Variants in NUP62 observed in about 807,000 individuals in gnomAD.
NUP62 encodes nuclear pore glycoprotein p62.
For synonymous variants in NUP62, 305 were observed against 303.4 expected (o/e 1.01, Z -0.05); for missense variants, 647 against 689.4 (o/e 0.94, Z 0.69).
At position 49,907,222 on chromosome 19, in the gene NUP62, G is replaced by A; in HGVS notation, c.*1017C>T. 1 of 243,770 alleles carries A rather than the reference G, an allele frequency of 4.1e-6. No homozygotes were observed. The highest frequency in any genetic ancestry group is 3.9e-5 in the South Asian group (1 of 25,564). 15.1% of individuals were successfully genotyped at this position (243,770 alleles called of 1,614,324 possible). On this transcript the variant is annotated 3_prime_UTR_variant, in exon 3 of 3. Coordinates refer to ENST00000352066, the MANE Select transcript of NUP62 (RefSeq NM_016553.5). ...GATAGCATAACAAGTGCCACCCAAGGTACAGGCTCAGGGTGCTACGGGGAC... is the reference window on the plus strand; with the variant it reads ...GATAGCATAACAAGTGCCACCCAAGATACAGGCTCAGGGTGCTACGGGGAC...
At chr19:49,925,520 C>A (rs527738541) in intron 2 of NUP62, among the ~76,000 whole-genome samples, 1 of 151,500 alleles carries the variant, frequency 6.6e-6, no homozygotes, top group African/African-American at 2.4e-5. Flanking sequence ...TGAGACAAAA[C>A]CAAATGGAAG....
intron 2 of NUP62, among the ~76,000 whole-genome samples, chr19:49,917,979 C>T (rs1323147361): frequency 1.3e-5 from 2 of 152,134 alleles, no homozygotes; most frequent in Non-Finnish European, 2.9e-5. Context: ...GCACTCCAGC[C>T]TGGGTGACAG....
Position 49,908,390 on chromosome 19 carries a change from T to A in NUP62, c.1418A>T (p.Gln473Leu), listed in dbSNP as rs1276909669. The A allele has an allele frequency of 5.0e-6, 8 of 1,614,106 alleles. No individual in the cohort carries two copies. Among genetic ancestry groups the A allele is most frequent in the Non-Finnish European group, 5.9e-6 (7 of 1,180,048 alleles). Reference protein sequence around the residue: ...APADTSDPLQQICKILNAHMD... With the variant: ...APADTSDPLQLICKILNAHMD... The stretch of plus-strand genomic sequence containing the variant: ...GTGCGCATTGAGGATCTTGCAGATC[T>A]GCTGCAGTGGGTCACTGGTGTCGGC... Residue 473 changes from glutamine to leucine, a missense_variant, in exon 3 of 3, where the codon CAG (glutamine) becomes CTG (leucine). Transcript: ENST00000352066.
chr19:49,910,749 C>A (rs931017707), intron 2 of NUP62, among the ~76,000 whole-genome samples: 1 of 151,940 alleles, frequency 6.6e-6, no homozygotes, highest in African/African-American at 2.4e-5. Flanking sequence ...TAAAGAGCAC[C>A]CCAGAAGACC....
At chr19:49,928,502 G>A (rs1354537403) in intron 1 of NUP62, 1 of 146,302 alleles carries the variant, frequency 6.8e-6, no homozygotes, top group Admixed American at 6.9e-5. Context: ...GGGCGACAGA[G>A]ACGGAGAGAC....
Position 49,908,398 on chromosome 19 carries a change from T to A in NUP62, c.1410A>T (p.Pro470=). Residue 470 remains proline, a synonymous_variant, in exon 3 of 3, where the codon CCA becomes CCT. Coordinates refer to ENST00000352066, the MANE Select transcript of NUP62 (RefSeq NM_016553.5). ...TGAGGATCTTGCAGATCTGCTGCAG[T>A]GGGTCACTGGTGTCGGCGGGGGCCC... ...TSGAPADTSD[P]LQQICKILNA... 1 of 1,614,194 alleles carries A rather than the reference T, an allele frequency of 6.2e-7. No individual in the cohort carries two copies. The highest frequency in any genetic ancestry group is 1.1e-5 in the South Asian group (1 of 91,086).
chr19:49,927,742 C>T lies in NUP62; in HGVS notation c.-126G>A, dbSNP rs1340834408. 1 of 152,322 alleles carries T rather than the reference C, an allele frequency of 6.6e-6. No homozygotes were observed. Among genetic ancestry groups the T allele is most frequent in the East Asian group, 1.9e-4 (1 of 5,188 alleles). 9.4% of individuals were successfully genotyped at this position (152,322 alleles called of 1,614,324 possible). ...CCTTCTCTGGACCTTGATTCAGTCT[C>T]CTAACTGCCACAGAAGGGATGAAGG... On this transcript the variant is annotated 5_prime_UTR_variant, in exon 2 of 3. Transcript: ENST00000352066.
intron 2 of NUP62, among the ~76,000 whole-genome samples, chr19:49,911,574 G>A (rs934807616): frequency 2.0e-5 from 3 of 151,998 alleles, no homozygotes; most frequent in African/African-American, 7.2e-5. Flanking sequence ...GCACCCTTCT[G>A]CTTCCTCACA....
chr19:49,916,280 G>A lies in NUP62; in HGVS notation c.-77-6396C>T, dbSNP rs550062145. ...CTCACATCTGTAATCTCAGCACTTT[G>A]GGAGGCTGAGGTGGGTGGATCACCT... is the stretch of plus-strand genomic sequence containing the variant. On this transcript the variant is annotated intron_variant, in intron 2 of 2. Coordinates refer to ENST00000352066, the MANE Select transcript of NUP62 (RefSeq NM_016553.5). Among the ~76,000 whole-genome samples the A allele has an allele frequency of 9.2e-5, 14 of 152,206 alleles. No homozygotes were observed. The East Asian group carries it at 2.7e-3, about 29-fold the overall frequency.
intron 2 of NUP62, among the ~76,000 whole-genome samples, chr19:49,918,852 G>A (rs1326208294): frequency 4.7e-5 from 7 of 149,718 alleles, no homozygotes; most frequent in Middle Eastern, 6.9e-3. Context: ...AAGCTAGGCC[G>A]GGCGCAGTGG....
chr19:49,919,416 GA>G (rs1240340839), intron 2 of NUP62, among the ~76,000 whole-genome samples: 1 of 152,202 alleles, frequency 6.6e-6, no homozygotes, highest in African/African-American at 2.4e-5. Flanking sequence ...ATGTATCTTA[GA>G]AATCGTTTTA....
intron 2 of NUP62, among the ~76,000 whole-genome samples, chr19:49,925,190 G>A (rs1387664312): frequency 6.6e-6 from 1 of 152,106 alleles, no homozygotes; most frequent in Non-Finnish European, 1.5e-5. Flanking sequence ...GAACCCAGGA[G>A]GCAGAGGTTG....
chr19:49,923,233 C>T (rs2075806623), intron 2 of NUP62, among the ~76,000 whole-genome samples: 1 of 152,240 alleles, frequency 6.6e-6, no homozygotes, highest in Non-Finnish European at 1.5e-5. Flanking sequence ...CCTTGGCCTA[C>T]CTGCCCTTGT....
intron 2 of NUP62, among the ~76,000 whole-genome samples, chr19:49,923,749 G>A (rs1040331296): frequency 5.3e-5 from 8 of 152,238 alleles, no homozygotes; most frequent in Non-Finnish European, 1.0e-4. Flanking sequence ...TTTTACGGAG[G>A]GGAAACTGAG....
chr19:49,909,865 C>A lies in NUP62; in HGVS notation c.-58G>T, dbSNP rs1024496259. On this transcript the variant is annotated 5_prime_UTR_variant, in exon 3 of 3. Coordinates refer to ENST00000352066, the MANE Select transcript of NUP62 (RefSeq NM_016553.5). ...GCTCCCAAAGCAAATCCGTCGGTGTCTGCAGCCTTGGGAAGATTTCTAAAG... is the reference window on the plus strand; with the variant it reads ...GCTCCCAAAGCAAATCCGTCGGTGTATGCAGCCTTGGGAAGATTTCTAAAG... 1 of 1,570,044 alleles carries A rather than the reference C, an allele frequency of 6.4e-7. No individual in the cohort carries two copies. The highest frequency in any genetic ancestry group is 1.4e-5 in the African/African-American group (1 of 73,856).
intron 2 of NUP62, among the ~76,000 whole-genome samples, chr19:49,913,942 C>T (rs2075551317): frequency 1.3e-5 from 2 of 152,114 alleles, no homozygotes; most frequent in Admixed American, 1.3e-4. Flanking sequence ...TTAGAGAAGA[C>T]TGGGAGAAGG....
At chr19:49,929,030 G>T (rs531169565) in intron 1 of NUP62, 3 of 152,458 alleles carry the variant, frequency 2.0e-5, no homozygotes, top group African/African-American at 7.2e-5. Flanking sequence ...CTGAGAGGGA[G>T]GAGGGTCCCG....
In NUP62 at chr19:49,921,193, T is replaced by G. The variant is rs995168714; in HGVS notation, c.-78+6501A>C. ...GCAATGTGACGAAGCGAAACTATCATGGCTCCCATTTATAAATGAGCAAAC... is the reference window on the plus strand; with the variant it reads ...GCAATGTGACGAAGCGAAACTATCAGGGCTCCCATTTATAAATGAGCAAAC... On this transcript the variant is annotated intron_variant, in intron 2 of 2. Transcript: ENST00000352066. This position sits in a 1 kb window ranked among gnomAD's most constrained non-coding sequence, Gnocchi z 5.4. Among the ~76,000 whole-genome samples, 2 of 152,152 alleles carry G rather than the reference T, an allele frequency of 1.3e-5. No individual in the cohort carries two copies. The highest frequency in any genetic ancestry group is 4.8e-5 in the African/African-American group (2 of 41,436).
In NUP62 at chr19:49,908,396, A is replaced by G; in HGVS notation, c.1412T>C (p.Leu471Pro). Residue 471 changes from leucine to proline, a missense_variant, in exon 3 of 3, where the codon CTG (leucine) becomes CCG (proline). Transcript: ENST00000352066. ...SGAPADTSDPLQQICKILNAH... is the reference protein window; with the variant it reads ...SGAPADTSDPPQQICKILNAH... ...ATTGAGGATCTTGCAGATCTGCTGCAGTGGGTCACTGGTGTCGGCGGGGGC... is the reference window on the plus strand; with the variant it reads ...ATTGAGGATCTTGCAGATCTGCTGCGGTGGGTCACTGGTGTCGGCGGGGGC... 1.9e-6 allele frequency: 3 copies of G among 1,614,178 alleles called. No individual in the cohort carries two copies. Among genetic ancestry groups the G allele is most frequent in the Non-Finnish European group, 2.5e-6 (3 of 1,180,038 alleles).
Sources: allele counts gnomAD v4.1 joint callset (sites outside exome capture counted in the v4.1 genomes callset), GRCh38; gene constraint gnomAD v4.1.1; non-coding constraint Gnocchi (gnomAD v3.1); transcripts MANE v1.5; gene names NCBI Gene and HGNC (gene_info 2026-07-23, HGNC 2026-07-21).